FAAH: variants seen among roughly 807,000 people sequenced by gnomAD.
The protein encoded by FAAH is fatty-acid amide hydrolase 1.
FAAH carries 63 observed loss-of-function variants against 69.7 expected under a neutral mutation model. The ratio of observed to expected loss-of-function variants is 0.90; its 90% CI spans 0.74 to 1.12. The LOEUF is 1.12. FAAH is among the 50% of genes most tolerant of loss of function. The probability of loss-of-function intolerance (pLI) is 0.00; values close to 1 mark genes in which losing one functional copy is unlikely to be tolerated. For synonymous variants in FAAH, 305 were observed against 324.2 expected (o/e 0.94, Z 0.64); for missense variants, 680 against 755.0 (o/e 0.90, Z 1.16).
At chr1:46,402,038 A>C in intron 1 of FAAH, 53 bp from the exon 2 acceptor site, 1 of 1,444,084 alleles carries the variant, frequency 6.9e-7, no homozygotes, top group African/African-American at 1.4e-5. Flanking sequence ...TGTCTGCTGC[A>C]GGCCCATGAG....
intron 1 of FAAH, among the ~76,000 whole-genome samples, chr1:46,398,953 T>C (rs1664649119): frequency 6.6e-6 from 1 of 151,916 alleles, no homozygotes; most frequent in Non-Finnish European, 1.5e-5. Flanking sequence ...AAAAATGTGT[T>C]TCTGGTAATT....
chr1:46,404,404 A>G lies in FAAH; in HGVS notation c.310-610A>G, dbSNP rs2148448488. Among the ~76,000 whole-genome samples, 1 of 152,318 alleles carries G rather than the reference A, an allele frequency of 6.6e-6. No individual in the cohort carries two copies. Among genetic ancestry groups the G allele is most frequent in the South Asian group, 2.1e-4 (1 of 4,824 alleles). ...GGACCCTGTGTGGTGAGGTTTGAGC[A>G]TTCTAGGCAGATTTCCACTATTAGC... On this transcript the variant is annotated intron_variant, in intron 2 of 14. Transcript: ENST00000243167. This position sits in a 1 kb window ranked among gnomAD's most constrained non-coding sequence, Gnocchi z 4.5.
intron 1 of FAAH, among the ~76,000 whole-genome samples, chr1:46,395,902 C>T (rs1457592851): frequency 6.6e-6 from 1 of 152,158 alleles, no homozygotes; most frequent in Admixed American, 6.5e-5. Context: ...GGGTATTTCT[C>T]CTCAGGTGGG....
Position 46,405,536 on chromosome 1 carries a change from A to AG in FAAH, c.578+35dup, listed in dbSNP as rs762751733. 8.2e-6 allele frequency: 13 copies of AG among 1,576,164 alleles called. No individual in the cohort carries two copies. The highest frequency in any genetic ancestry group is 1.1e-5 in the South Asian group (1 of 90,222). On this transcript the variant is annotated intron_variant, in intron 4 of 14. Coordinates refer to ENST00000243167, the MANE Select transcript of FAAH (RefSeq NM_001441.3). The surrounding 1 kb of genome is among the most constrained non-coding windows in gnomAD (Gnocchi z 4.1). ...GTCTTGGGGTGGGGCGGGGCGGGGC[A>AG]GGGGCACCGGTCCCAGCATGGCACG...
rs45592632 is a variant in FAAH at position 46,404,253 on chromosome 1, G to T, written c.310-761G>T. Among the ~76,000 whole-genome samples the T allele has an allele frequency of 6.6e-6, 1 of 152,144 alleles. No individual in the cohort carries two copies. The highest frequency in any genetic ancestry group is 2.4e-5 in the African/African-American group (1 of 41,416). ...TCTCTGTTCCTGCCTCGGGTACCCC[G>T]GGGACAGATTTTGCACATGCCTGAA... On this transcript the variant is annotated intron_variant, in intron 2 of 14. Transcript: ENST00000243167. The surrounding 1 kb of genome is among the most constrained non-coding windows in gnomAD (Gnocchi z 4.5).
In FAAH at chr1:46,404,917, A is replaced by G; in HGVS notation, c.310-97A>G. On this transcript the variant is annotated intron_variant, in intron 2 of 14. Transcript: ENST00000243167. The surrounding 1 kb of genome is among the most constrained non-coding windows in gnomAD (Gnocchi z 4.5). ...TTGCTGGTTACCCCTCTCCCTGGGT[A>G]TACTTTAAAAGGCCAGTTCTACATG... The G allele has an allele frequency of 1.3e-6, 2 of 1,543,500 alleles. No individual in the cohort carries two copies. Among genetic ancestry groups the G allele is most frequent in the African/African-American group, 1.4e-5 (1 of 73,646 alleles).
chr1:46,394,650 T>C, intron 1 of FAAH, 107 bp downstream of exon 1: 1 of 950,208 alleles, frequency 1.1e-6, no homozygotes, highest in Non-Finnish European at 1.4e-6. Context: ...GCAGAGCAGA[T>C]GTGTAACTCT....
At position 46,411,614 on chromosome 1, in the gene FAAH, C is replaced by A; in HGVS notation, c.1319C>A (p.Ser440Ter). Reference protein sequence around the residue: ...SAFLSNMKSRSAGKLWELQHE... With the variant: ...SAFLSNMKSR ...GTGACCACACTCCTTCTGCCCAGTT[C>A]GGCTGGAAAACTCTGGGAACTGCAG... Residue 440 changes from serine (S) to a stop codon, truncating the protein, a stop_gained and splice_region_variant, in exon 12 of 15, where the codon TCG (serine) becomes TAG (stop). Coordinates refer to ENST00000243167, the MANE Select transcript of FAAH (RefSeq NM_001441.3). LOFTEE classifies it high-confidence loss of function. The surrounding 1 kb of genome is among the most constrained non-coding windows in gnomAD (Gnocchi z 4.8). 6.2e-7 allele frequency: 1 copy of A among 1,613,782 alleles called. No homozygotes were observed. The highest frequency in any genetic ancestry group is 8.5e-7 in the Non-Finnish European group (1 of 1,179,948).
At chr1:46,408,437 G>T (rs202227350) in intron 7 of FAAH, 22 bp from the exon 8 acceptor site, 4 of 1,613,988 alleles carry the variant, frequency 2.5e-6, no homozygotes, top group Non-Finnish European at 3.4e-6. Context: ...ACCTGCCCCT[G>T]TCCCCTGTGT....
chr1:46,402,009 C>A, intron 1 of FAAH, 82 bp from the exon 2 acceptor site: 1 of 1,188,980 alleles, frequency 8.4e-7, no homozygotes, highest in Non-Finnish European at 1.2e-6. Context: ...GTCAGAGCTG[C>A]TGGGGCATGG....
chr1:46,409,096 T>C lies in FAAH; in HGVS notation c.1078-5T>C, dbSNP rs1664853300. 1 of 1,613,620 alleles carries C rather than the reference T, an allele frequency of 6.2e-7. No individual in the cohort carries two copies. Among genetic ancestry groups the C allele is most frequent in the African/African-American group, 1.3e-5 (1 of 75,026 alleles). On this transcript the variant is annotated splice_region_variant and splice_polypyrimidine_tract_variant and intron_variant, in intron 8 of 14. Transcript: ENST00000243167. ...AGGAGGCCTTACACCCCTCAATCCC[T>C]GCAGCTGGTTCCCTTCTTGCCAAGC...
At position 46,405,723 on chromosome 1, in the gene FAAH, C is replaced by A. The variant is rs141985477; in HGVS notation, c.714C>A (p.Ile238=). 3.7e-6 allele frequency: 6 copies of A among 1,613,364 alleles called. No homozygotes were observed. Among genetic ancestry groups the A allele is most frequent in the South Asian group, 3.3e-5 (3 of 91,082 alleles). ...GGSPLGLGTD[I]GGSIRFPSSF... is the part of the protein sequence containing the mutation. ...CCCCCCTGGGCTTAGGCACTGATAT[C>A]GGAGGCAGCATCCGCTTCCCCTCCT... is the stretch of plus-strand genomic sequence containing the variant. The change falls in exon 5 of 15, where the codon ATC becomes ATA. Residue 238 remains isoleucine (I), a synonymous_variant. Transcript: ENST00000243167. The surrounding 1 kb of genome is among the most constrained non-coding windows in gnomAD (Gnocchi z 4.1).
intron 1 of FAAH, among the ~76,000 whole-genome samples, chr1:46,396,689 C>T (rs945318574): frequency 6.6e-6 from 1 of 152,226 alleles, no homozygotes. Context: ...CAACACAGCA[C>T]ATGTTTCTGC....
At chr1:46,408,810 T>G (rs1664847966) in intron 8 of FAAH, among the ~76,000 whole-genome samples, 1 of 152,182 alleles carries the variant, frequency 6.6e-6, no homozygotes, top group South Asian at 2.1e-4. Flanking sequence ...GAGCACTGCA[T>G]GTGGGGAGGC....
At chr1:46,409,033 C>G in intron 8 of FAAH, 68 bp from the exon 9 acceptor site, 1 of 1,354,144 alleles carries the variant, frequency 7.4e-7, no homozygotes, top group Non-Finnish European at 1.1e-6. Flanking sequence ...TCAGGGCCGC[C>G]CAGACAGCAT....
chr1:46,401,117 G>T (rs1448763491), intron 1 of FAAH, among the ~76,000 whole-genome samples: 15 of 95,392 alleles, frequency 1.6e-4, no homozygotes, highest in African/African-American at 2.5e-4. Context: ...GGGGAAGCAG[G>T]CCAGGGGAGG....
chr1:46,410,076 C>A lies in FAAH; in HGVS notation c.1176-322C>A, dbSNP rs1569822970. On this transcript the variant is annotated intron_variant, in intron 9 of 14. Transcript: ENST00000243167. This position sits in a 1 kb window ranked among gnomAD's most constrained non-coding sequence, Gnocchi z 4.9. ...CGATTTCCCCACCTGTGCCTCCAGG[C>A]TGTACCTCCCTAAGGGGAGGTACCC... The A allele has an allele frequency of 7.0e-6, 2 of 285,162 alleles. No homozygotes were observed. The highest frequency in any genetic ancestry group is 8.9e-5 in the South Asian group (2 of 22,374). 17.7% of individuals were successfully genotyped at this position (285,162 alleles called of 1,614,324 possible). A position where few individuals can be genotyped will look rare whatever the true frequency, so the allele number is the denominator to read the frequency against.
At chr1:46,409,255 G>A (rs965017737) in intron 9 of FAAH, 57 bp downstream of exon 9, 1 of 1,345,712 alleles carries the variant, frequency 7.4e-7, no homozygotes, top group Non-Finnish European at 1.1e-6. Context: ...GCAGACCTGG[G>A]GGAGCAGCAG....
chr1:46,401,633 G>A (rs923485954), intron 1 of FAAH, among the ~76,000 whole-genome samples: 7 of 152,138 alleles, frequency 4.6e-5, no homozygotes, highest in African/African-American at 1.7e-4. Flanking sequence ...CTCTCTCTCA[G>A]CCTCAGTTTA....
Sources: gnomAD v4.1 joint callset for allele counts (sites outside exome capture counted in the v4.1 genomes callset) on GRCh38, gnomAD v4.1.1 for gene constraint, Gnocchi (gnomAD v3.1) non-coding constraint, MANE v1.5 for transcripts, NCBI Gene and HGNC (gene_info 2026-07-23, HGNC 2026-07-21) for gene names.